Variants in L2HGDH observed in about 807,000 individuals in gnomAD.
L2HGDH encodes the protein L-2-hydroxyglutarate dehydrogenase.
In L2HGDH, 34 loss-of-function variants were observed where a neutral mutation model predicts 51.5. The observed-to-expected ratio is 0.66, with a 90% confidence interval of 0.50 to 0.88. The LOEUF is 0.88. L2HGDH is among the 40% of genes least tolerant of loss of function. The pLI, the probability that L2HGDH is intolerant of heterozygous loss-of-function variation, is 0.00. For missense variants in L2HGDH, 558 were observed against 571.9 expected, an observed-to-expected ratio of 0.98 and a Z score of 0.25; for synonymous variants, 198 against 197.9, an observed-to-expected ratio of 1.00 and a Z score of -0.01.
chr14:50,285,561 C>G (rs1239746756), intron 4 of L2HGDH, among the ~76,000 whole-genome samples: 1 of 152,214 alleles, frequency 6.6e-6, no homozygotes, highest in Admixed American at 6.5e-5. Flanking sequence ...TAGAAGCTCA[C>G]TTAGGATAAT....
intron 8 of L2HGDH, among the ~76,000 whole-genome samples, chr14:50,266,842 T>G (rs890464818): frequency 6.6e-6 from 1 of 152,130 alleles, no homozygotes; most frequent in Admixed American, 6.6e-5. Context: ...GAGAGAAACA[T>G]TGGTAAAAGG....
chr14:50,269,963 C>T (rs879417022), intron 6 of L2HGDH, among the ~76,000 whole-genome samples: 6 of 152,208 alleles, frequency 3.9e-5, no homozygotes, highest in Non-Finnish European at 8.8e-5. Context: ...CATTTAAAGG[C>T]AAACTCTGTA....
chr14:50,290,532 G>T (rs188954516), intron 4 of L2HGDH, among the ~76,000 whole-genome samples: 6 of 152,282 alleles, frequency 3.9e-5, no homozygotes, highest in Admixed American at 2.6e-4. Flanking sequence ...AAATATTTTT[G>T]ACTATCTAGG....
At chr14:50,247,305 A>G in intron 9 of L2HGDH, 52 bp from the exon 10 acceptor site, 1 of 1,586,592 alleles carries the variant, frequency 6.3e-7, no homozygotes, top group Admixed American at 1.8e-5. Flanking sequence ...AGGATACTTT[A>G]CAAGTCAGCG....
rs56240741 is a variant in L2HGDH at position 50,304,116 on chromosome 14, C to G, written c.141-1099G>C. 7.9e-3 allele frequency among the ~76,000 whole-genome samples: 1,210 copies of G among 152,326 alleles called. 8 individuals are homozygous for G. Among genetic ancestry groups the G allele is most frequent in the Non-Finnish European group, 0.014 (932 of 68,030 alleles). Reference sequence around the variant, plus strand: ...GGGATAGCTTATTGCTCCTAGGCTACAAGCCTGTACAGCAGGTTACTATAT... The same window carrying G: ...GGGATAGCTTATTGCTCCTAGGCTAGAAGCCTGTACAGCAGGTTACTATAT... On this transcript the variant is annotated intron_variant, in intron 1 of 9. Coordinates refer to ENST00000267436, the MANE Select transcript of L2HGDH (RefSeq NM_024884.3).
intron 5 of L2HGDH, among the ~76,000 whole-genome samples, chr14:50,278,943 T>C (rs959425548): frequency 5.3e-5 from 8 of 152,260 alleles, no homozygotes; most frequent in African/African-American, 1.7e-4. Context: ...TGTTGGTTAC[T>C]GGATTCCTTG....
chr14:50,269,382 CAA>C (rs745418050), intron 6 of L2HGDH, 52 bp from the exon 7 acceptor site: 1 of 1,540,172 alleles, frequency 6.5e-7, no homozygotes. Flanking sequence ...TAGAATAGGT[CAA>C]GAGGGGAAAA....
Position 50,244,630 on chromosome 14 carries a change from T to A in L2HGDH, c.*2428A>T, listed in dbSNP as rs140692117. The A allele has an allele frequency of 1.0e-6, 1 of 985,388 alleles. No individual in the cohort carries two copies. The highest frequency in any genetic ancestry group is 1.2e-6 in the Non-Finnish European group (1 of 829,928). The allele number at this position is 985,388 out of a possible 1,614,324, so 61.0% of individuals were successfully genotyped here. A position where few individuals can be genotyped will look rare whatever the true frequency, so the allele number is the denominator to read the frequency against. ...GCTTTTAATATACTCATCCTAAGAGTTGAATAATGGCCTACTCTGTTTACC... is the reference window on the plus strand; with the variant it reads ...GCTTTTAATATACTCATCCTAAGAGATGAATAATGGCCTACTCTGTTTACC... On this transcript the variant is annotated 3_prime_UTR_variant, in exon 10 of 10. Transcript: ENST00000267436.
At chr14:50,284,942 G>A (rs761945492) in intron 4 of L2HGDH, among the ~76,000 whole-genome samples, 45 of 152,030 alleles carry the variant, frequency 3.0e-4, no homozygotes, top group Non-Finnish European at 5.6e-4. Flanking sequence ...CCCCTGCTTG[G>A]CCCTTAGAAG....
intron 9 of L2HGDH, among the ~76,000 whole-genome samples, chr14:50,264,132 C>A (rs923730993): frequency 2.0e-5 from 3 of 151,256 alleles, no homozygotes; most frequent in Non-Finnish European, 4.4e-5. Flanking sequence ...GTAATCCCAG[C>A]ACTTTGGGAG....
rs1408806221 is a variant in L2HGDH at position 50,242,812 on chromosome 14, G to A, written c.*4246C>T. On this transcript the variant is annotated 3_prime_UTR_variant, in exon 10 of 10. Transcript: ENST00000267436. Reference sequence around the variant, plus strand: ...ACAAGATCTTTAGATAATAGTGTATGCGCAGAAAGATGAGGAAACCTCTGA... The same window carrying A: ...ACAAGATCTTTAGATAATAGTGTATACGCAGAAAGATGAGGAAACCTCTGA... 1 of 985,316 alleles carries A rather than the reference G, an allele frequency of 1.0e-6. No individual in the cohort carries two copies. Among genetic ancestry groups the A allele is most frequent in the African/African-American group, 1.7e-5 (1 of 57,238 alleles). 61.0% of individuals were successfully genotyped at this position (985,316 alleles called of 1,614,324 possible).
intron 4 of L2HGDH, chr14:50,293,207 G>A (rs972252182): frequency 3.3e-5 from 23 of 702,078 alleles, no homozygotes; most frequent in Non-Finnish European, 5.5e-5. Flanking sequence ...CCACATACCT[G>A]ATATCATAAA....
intron 9 of L2HGDH, among the ~76,000 whole-genome samples, chr14:50,257,217 C>T (rs1262639408): frequency 6.6e-6 from 1 of 152,168 alleles, no homozygotes; most frequent in East Asian, 1.9e-4. Flanking sequence ...GCATGAGCCA[C>T]TGTGCCCAAC....
chr14:50,312,175 A>G lies in L2HGDH; in HGVS notation c.-25T>C. On this transcript the variant is annotated 5_prime_UTR_variant, in exon 1 of 10. Coordinates refer to ENST00000267436, the MANE Select transcript of L2HGDH (RefSeq NM_024884.3). Reference sequence around the variant, plus strand: ...TCCCCTACGCACGCTCCCCTCCCTCAGCGCTCAGAAGAAGCCACTTGACCC... The same window carrying G: ...TCCCCTACGCACGCTCCCCTCCCTCGGCGCTCAGAAGAAGCCACTTGACCC... The G allele has an allele frequency of 1.2e-6, 2 of 1,607,480 alleles. No homozygotes were observed. The highest frequency in any genetic ancestry group is 1.3e-5 in the African/African-American group (1 of 74,988).
chr14:50,296,593 TAAA>T (rs113103736), intron 3 of L2HGDH, among the ~76,000 whole-genome samples: 8 of 117,464 alleles, frequency 6.8e-5, no homozygotes, highest in Admixed American at 8.8e-5. Context: ...CTTCCCACAT[TAAA>T]AAAAAAAAAA....
chr14:50,243,148 T>C lies in L2HGDH; in HGVS notation c.*3910A>G, dbSNP rs535748937. 3 of 985,430 alleles carry C rather than the reference T, an allele frequency of 3.0e-6. No homozygotes were observed. In the East Asian group the frequency reaches 3.4e-4, roughly 112 times the overall value. The allele number at this position is 985,430 out of a possible 1,614,324, so 61.0% of individuals were successfully genotyped here. ...AAGGCAACTCCCCAAACAGTGCTAA[T>C]GCTGAGAGGATCAAGGGAAGGACTT... On this transcript the variant is annotated 3_prime_UTR_variant, in exon 10 of 10. Transcript: ENST00000267436.
At chr14:50,311,225 C>G (rs1025584917) in intron 1 of L2HGDH, 3 of 407,810 alleles carry the variant, frequency 7.4e-6, no homozygotes, top group African/African-American at 6.2e-5. Context: ...TTCTTAAAAC[C>G]CTTTTAAATA....
At chr14:50,279,078 T>C (rs1454556271) in intron 5 of L2HGDH, among the ~76,000 whole-genome samples, 1 of 152,224 alleles carries the variant, frequency 6.6e-6, no homozygotes. Flanking sequence ...ATAAAGCGTA[T>C]GTAGAGCAGA....
At chr14:50,289,755 C>T (rs1318334234) in intron 4 of L2HGDH, among the ~76,000 whole-genome samples, 2 of 152,116 alleles carry the variant, frequency 1.3e-5, no homozygotes, top group African/African-American at 4.8e-5. Context: ...TCATTTAATT[C>T]TCAAAACAAT....
Sources: allele counts gnomAD v4.1 joint callset (sites outside exome capture counted in the v4.1 genomes callset), GRCh38; gene constraint gnomAD v4.1.1; transcripts MANE v1.5; gene names NCBI Gene and HGNC (gene_info 2026-07-23, HGNC 2026-07-21).